Variants in CCNB1IP1 observed in about 807,000 individuals in gnomAD.
CCNB1IP1 encodes the protein cyclin B1 interacting protein 1.
A neutral mutation model predicts 25.6 loss-of-function variants in CCNB1IP1; 14 were observed. The observed-to-expected ratio is 0.55, with a 90% CI of 0.36 to 0.85. The LOEUF is 0.85. Among genes scored for constraint, CCNB1IP1 ranks in the 40% least tolerant of loss-of-function variants. The pLI, the probability that CCNB1IP1 is intolerant of heterozygous loss-of-function variation, is 0.01. For missense variants in CCNB1IP1, 278 were observed against 342.4 expected, an observed-to-expected ratio of 0.81 and a Z score of 1.48; for synonymous variants, 119 against 116.1, an observed-to-expected ratio of 1.02 and a Z score of -0.16.
chr14:20,314,332 G>A (rs2138841861), intron 5 of CCNB1IP1: 1 of 152,336 alleles, frequency 6.6e-6, no homozygotes, highest in East Asian at 1.9e-4. Flanking sequence ...TGGCTTTGAG[G>A]AAGCAAGCAG....
intron 4 of CCNB1IP1, chr14:20,317,856 T>G (rs1017588181): frequency 3.9e-5 from 6 of 152,260 alleles, no homozygotes; most frequent in African/African-American, 1.4e-4. Context: ...CAAGCGAAGA[T>G]TCCAGGATTC....
intron 4 of CCNB1IP1, chr14:20,317,626 G>C (rs1461139042): frequency 6.6e-6 from 1 of 152,190 alleles, no homozygotes; most frequent in African/African-American, 2.4e-5. Context: ...CAGAGGCGCA[G>C]CTAATTCCGA....
Position 20,316,478 on chromosome 14 carries a change from G to A in CCNB1IP1, c.46C>T (p.Arg16Cys), listed in dbSNP as rs760690563. The stretch of plus-strand genomic sequence containing the variant: ...CATGCATAGCCAGAGAGTTTGATGC[G>A]ACACTTTCGATAATTACAAAGCAGC... ...DMLLCNYRKC[R>C]IKLSGYAWVT... is the part of the protein sequence containing the mutation. The change falls in exon 5 of 7, where the codon CGC (arginine) becomes TGC (cysteine). Residue 16 changes from arginine (R) to cysteine (C), a missense_variant. Coordinates refer to ENST00000358932, the MANE Select transcript of CCNB1IP1 (RefSeq NM_021178.5). The A allele has an allele frequency of 7.4e-6, 12 of 1,612,372 alleles. No individual in the cohort carries two copies. The highest frequency in any genetic ancestry group is 1.0e-5 in the Non-Finnish European group (12 of 1,179,978).
At chr14:20,323,666 C>T (rs997404527) in intron 4 of CCNB1IP1, among the ~76,000 whole-genome samples, 4 of 152,068 alleles carry the variant, frequency 2.6e-5, no homozygotes, top group South Asian at 2.1e-4. Context: ...TGGTGGCTCA[C>T]GCCTATAATC....
chr14:20,328,668 A>G (rs577799168), intron 2 of CCNB1IP1, among the ~76,000 whole-genome samples: 4 of 152,308 alleles, frequency 2.6e-5, no homozygotes, highest in Admixed American at 6.5e-5. Context: ...CAACTTCTCT[A>G]TTAATCTCAA....
chr14:20,324,854 C>A (rs6575168), intron 4 of CCNB1IP1, among the ~76,000 whole-genome samples: 5 of 151,756 alleles, frequency 3.3e-5, no homozygotes, highest in African/African-American at 9.7e-5. Context: ...ACGGAATCTC[C>A]CTATCACCCA....
At position 20,323,655 on chromosome 14, in the gene CCNB1IP1, G is replaced by A. The variant is rs531269916; in HGVS notation, c.-38+1884C>T. On this transcript the variant is annotated intron_variant, in intron 4 of 6. Coordinates refer to ENST00000358932, the MANE Select transcript of CCNB1IP1 (RefSeq NM_021178.5). ...TCTAAGTAAGAACTAGAGGCCGGGC[G>A]TGGTGGCTCACGCCTATAATCCCAG... Among the ~76,000 whole-genome samples, 4 of 152,194 alleles carry A rather than the reference G, an allele frequency of 2.6e-5. No individual in the cohort carries two copies. In the East Asian group the frequency reaches 5.8e-4, roughly 22 times the overall value.
At chr14:20,322,089 T>A (rs1882912469) in intron 4 of CCNB1IP1, among the ~76,000 whole-genome samples, 1 of 152,236 alleles carries the variant, frequency 6.6e-6, no homozygotes, top group African/African-American at 2.4e-5. Context: ...AATAAAAGAT[T>A]TCCTACTAAA....
Position 20,311,604 on chromosome 14 carries a change from A to G in CCNB1IP1, c.780T>C (p.Arg260=). The G allele has an allele frequency of 1.2e-6, 2 of 1,614,012 alleles. No individual in the cohort carries two copies. Among genetic ancestry groups the G allele is most frequent in the Non-Finnish European group, 8.5e-7 (1 of 1,179,998 alleles). Residue 260 remains arginine (R), a synonymous_variant, in exon 7 of 7, where the codon CGT becomes CGC. Transcript: ENST00000358932. ...NSFFSFVSPS[R]ELEQQQVSSR... The stretch of plus-strand genomic sequence containing the variant: ...TAGAAACTTGCTGCTGCTCTAATTC[A>G]CGACTTGGAGAGACAAAACTAAAAA...
chr14:20,332,005 C>CATATATATATATGATGTGTATACAT (rs1555314512), intron 1 of CCNB1IP1, among the ~76,000 whole-genome samples: 1 of 66,580 alleles, frequency 1.5e-5, no homozygotes, highest in Non-Finnish European at 2.5e-5. Context: ...GATGTGTATA[C>CATATATATATATGATGTGTATACAT]ATATATATAT....
intron 4 of CCNB1IP1, among the ~76,000 whole-genome samples, chr14:20,322,000 G>A (rs1181718779): frequency 6.6e-6 from 1 of 152,174 alleles, no homozygotes; most frequent in Non-Finnish European, 1.5e-5. Context: ...GCAGAAATGA[G>A]TTTTTAACCA....
chr14:20,332,033 T>A (rs1211291680), intron 1 of CCNB1IP1, among the ~76,000 whole-genome samples: 798 of 72,476 alleles, frequency 0.011, 2 homozygotes, highest in African/African-American at 0.041. Context: ...TATATTTTTT[T>A]TTTTTTTTTT....
intron 2 of CCNB1IP1, among the ~76,000 whole-genome samples, chr14:20,328,691 A>G (rs1422492538): frequency 1.3e-5 from 2 of 152,136 alleles, no homozygotes; most frequent in African/African-American, 4.8e-5. Context: ...CACAAACAAA[A>G]CCCAGATTGC....
At chr14:20,332,023 T>TGATGTGTATAC (rs1883260160) in intron 1 of CCNB1IP1, among the ~76,000 whole-genome samples, 1 of 54,180 alleles carries the variant, frequency 1.8e-5, no homozygotes, top group African/African-American at 8.8e-5. Context: ...TATATATATA[T>TGATGTGTATAC]ATATTTTTTT....
At chr14:20,315,984 G>T in intron 5 of CCNB1IP1, 1 of 492,658 alleles carries the variant, frequency 2.0e-6, no homozygotes, top group Non-Finnish European at 3.6e-6. Context: ...GTGTGTGAGT[G>T]TGTGTGTGTG....
At chr14:20,322,396 C>G (rs766655941) in intron 4 of CCNB1IP1, among the ~76,000 whole-genome samples, 3 of 151,800 alleles carry the variant, frequency 2.0e-5, no homozygotes, top group Non-Finnish European at 4.4e-5. Context: ...TTGGGCCAAG[C>G]CTTAGGGCAA....
chr14:20,316,969 C>T (rs1174678148), intron 4 of CCNB1IP1, among the ~76,000 whole-genome samples: 1 of 151,958 alleles, frequency 6.6e-6, no homozygotes, highest in Admixed American at 6.6e-5. Context: ...ATTAGCCAGG[C>T]GTGGTGATTC....
intron 2 of CCNB1IP1, among the ~76,000 whole-genome samples, chr14:20,328,208 T>C (rs1194134571): frequency 2.0e-5 from 3 of 152,208 alleles, no homozygotes; most frequent in African/African-American, 7.2e-5. Flanking sequence ...TAAGGTCACC[T>C]AACTAGTAAG....
At chr14:20,321,105 C>T (rs1414351975) in intron 4 of CCNB1IP1, among the ~76,000 whole-genome samples, 1 of 150,526 alleles carries the variant, frequency 6.6e-6, no homozygotes, top group Non-Finnish European at 1.5e-5. Context: ...CCATTGCACT[C>T]CAGCCTGGGC....
Sources: gnomAD v4.1 joint callset for allele counts (sites outside exome capture counted in the v4.1 genomes callset) on GRCh38, gnomAD v4.1.1 for gene constraint, MANE v1.5 for transcripts, NCBI Gene and HGNC (gene_info 2026-07-23, HGNC 2026-07-21) for gene names.